Variants in ADAMTSL1 observed in about 807,000 individuals in gnomAD.
The protein encoded by ADAMTSL1 is ADAMTS like 1, also known as ADAMTS-like protein 1.
A neutral mutation model predicts 201.8 loss-of-function variants in ADAMTSL1; 126 were observed. That is an observed-to-expected ratio of 0.62 (90% CI 0.54 to 0.72). ADAMTSL1 has a LOEUF of 0.72. Ranked by LOEUF, ADAMTSL1 falls within the 30% of genes least tolerant of loss-of-function variation. The pLI, the probability that ADAMTSL1 is intolerant of heterozygous loss-of-function variation, is 0.00. For synonymous variants in ADAMTSL1, 1,121 were observed against 903.4 expected, an observed-to-expected ratio of 1.24 and a Z score of -4.32; for missense variants, 2,679 against 2,277.8, an observed-to-expected ratio of 1.18 and a Z score of -3.59.
chr9:18,398,843 T>C (rs529916958), intron 2 of ADAMTSL1, among the ~76,000 whole-genome samples: 18 of 152,308 alleles, frequency 1.2e-4, no homozygotes, highest in African/African-American at 3.9e-4. Context: ...CATTTATTCA[T>C]TTAACAAATG....
chr9:18,022,893 T>A, intron 1 of ADAMTSL1, among the ~76,000 whole-genome samples: 1 of 152,262 alleles, frequency 6.6e-6, no homozygotes, highest in Non-Finnish European at 1.5e-5. Context: ...TCATGTTGCC[T>A]AGGTAAGAAG....
intron 1 of ADAMTSL1, among the ~76,000 whole-genome samples, chr9:18,133,878 T>G (rs1163393292): frequency 6.6e-6 from 1 of 152,168 alleles, no homozygotes. Flanking sequence ...AACACAGCCT[T>G]AACCATGATA....
chr9:18,840,219 G>A (rs1301073089), intron 23 of ADAMTSL1, among the ~76,000 whole-genome samples: 2 of 151,862 alleles, frequency 1.3e-5, no homozygotes, highest in African/African-American at 2.4e-5. Context: ...TGTATAAGGT[G>A]TAAGGAAGGG....
At chr9:18,448,271 T>C (rs1820273636) in intron 2 of ADAMTSL1, among the ~76,000 whole-genome samples, 1 of 152,154 alleles carries the variant, frequency 6.6e-6, no homozygotes, top group Non-Finnish European at 1.5e-5. Flanking sequence ...AAGGTTCTGC[T>C]GCCAGCCAGC....
intron 23 of ADAMTSL1, among the ~76,000 whole-genome samples, chr9:18,836,857 A>T (rs981305215): frequency 1.3e-5 from 2 of 151,844 alleles, no homozygotes; most frequent in Non-Finnish European, 2.9e-5. Flanking sequence ...ATTTTTGTGT[A>T]TTTTTGTGTT....
At chr9:18,256,006 A>G (rs1831668937) in intron 2 of ADAMTSL1, among the ~76,000 whole-genome samples, 1 of 152,204 alleles carries the variant, frequency 6.6e-6, no homozygotes, top group South Asian at 2.1e-4. Context: ...TGACTACAAC[A>G]TTATCTTTGG....
At chr9:18,092,621 C>T (rs555932797) in intron 1 of ADAMTSL1, among the ~76,000 whole-genome samples, 1 of 152,282 alleles carries the variant, frequency 6.6e-6, no homozygotes, top group East Asian at 1.9e-4. Context: ...TTCCCCAATA[C>T]TTGTGGTCCA....
At chr9:18,365,927 C>G (rs1836748041) in intron 2 of ADAMTSL1, among the ~76,000 whole-genome samples, 1 of 152,058 alleles carries the variant, frequency 6.6e-6, no homozygotes, top group African/African-American at 2.4e-5. Context: ...GTTGTGTGCT[C>G]CTTATGAGAA....
chr9:18,258,113 T>C (rs183583810), intron 2 of ADAMTSL1, among the ~76,000 whole-genome samples: 7 of 152,288 alleles, frequency 4.6e-5, no homozygotes, highest in African/African-American at 1.7e-4. Context: ...ATAGGTAAAA[T>C]GGCAAATTTT....
intron 23 of ADAMTSL1, among the ~76,000 whole-genome samples, chr9:18,843,122 C>G (rs977912297): frequency 6.6e-6 from 1 of 150,948 alleles, no homozygotes; most frequent in African/African-American, 2.5e-5. Flanking sequence ...GCAGTTTCTT[C>G]CTAGCCTCAA....
intron 9 of ADAMTSL1, among the ~76,000 whole-genome samples, chr9:18,668,977 A>T (rs1444248975): frequency 1.3e-5 from 2 of 152,226 alleles, no homozygotes; most frequent in Non-Finnish European, 2.9e-5. Flanking sequence ...GTTCTACAGT[A>T]TCTCTACATA....
At chr9:18,257,390 C>G (rs1831730187) in intron 2 of ADAMTSL1, among the ~76,000 whole-genome samples, 1 of 152,104 alleles carries the variant, frequency 6.6e-6, no homozygotes, top group African/African-American at 2.4e-5. Flanking sequence ...TAAAGATATA[C>G]AGATGTTCAA....
In ADAMTSL1 at chr9:18,504,942, C is replaced by G; in HGVS notation, c.177C>G (p.Arg59=). 6.2e-7 allele frequency: 1 copy of G among 1,609,180 alleles called. No homozygotes were observed. Among genetic ancestry groups the G allele is most frequent in the Non-Finnish European group, 8.5e-7 (1 of 1,179,114 alleles). ...CGGGASYSLR[R]CLSSKSCEGR... ...GTGGGGCCTCCTACTCTCTGAGGCG[C>G]TGCCTGAGCAGCAAGTAAGTCCTGC... The change falls in exon 2 of 29, where the codon CGC becomes CGG. Residue 59 remains arginine (R), a synonymous_variant. Coordinates refer to ENST00000380548, the MANE Select transcript of ADAMTSL1 (RefSeq NM_001040272.6).
chr9:18,093,467 C>T (rs1011442879), intron 1 of ADAMTSL1, among the ~76,000 whole-genome samples: 7 of 152,156 alleles, frequency 4.6e-5, no homozygotes, highest in Admixed American at 2.0e-4. Flanking sequence ...GGCATAAGGC[C>T]GCATTGGAAA....
intron 23 of ADAMTSL1, among the ~76,000 whole-genome samples, chr9:18,844,507 G>C (rs1205976921): frequency 1.3e-5 from 2 of 152,220 alleles, no homozygotes; most frequent in African/African-American, 4.8e-5. Context: ...ACTTGAGAAG[G>C]CAGTCTGCCC....
At chr9:18,830,299 A>G (rs1007617406) in intron 23 of ADAMTSL1, among the ~76,000 whole-genome samples, 3 of 152,188 alleles carry the variant, frequency 2.0e-5, no homozygotes, top group African/African-American at 7.2e-5. Flanking sequence ...GCAGTAAAGA[A>G]CAGCTCCTAT....
intron 23 of ADAMTSL1, among the ~76,000 whole-genome samples, chr9:18,848,965 C>G (rs2131361443): frequency 6.6e-6 from 1 of 152,276 alleles, no homozygotes; most frequent in African/African-American, 2.4e-5. Context: ...ACTAATGAAC[C>G]AAAACTAATG....
chr9:18,330,377 C>A (rs1395759028), intron 2 of ADAMTSL1, among the ~76,000 whole-genome samples: 1 of 152,036 alleles, frequency 6.6e-6, no homozygotes, highest in East Asian at 1.9e-4. Context: ...TTGTAGCCAC[C>A]CCCTACAGTG....
intron 17 of ADAMTSL1, among the ~76,000 whole-genome samples, chr9:18,771,242 G>A (rs747537984): frequency 6.6e-6 from 1 of 152,276 alleles, no homozygotes; most frequent in East Asian, 1.9e-4. Flanking sequence ...AGGAAAAGAA[G>A]GCCAAGGAAA....
Sources: gnomAD v4.1 joint callset for allele counts (sites outside exome capture counted in the v4.1 genomes callset) on GRCh38, gnomAD v4.1.1 for gene constraint, MANE v1.5 for transcripts, NCBI Gene and HGNC (gene_info 2026-07-23, HGNC 2026-07-21) for gene names.